The following HIVEP3 variants were observed in gnomAD, a reference collection of about 807,000 sequenced individuals.
HIVEP3 encodes transcription factor HIVEP3.
In HIVEP3, 49 loss-of-function variants were observed where a neutral mutation model predicts 152.8. That is an observed-to-expected ratio of 0.32 (90% confidence interval 0.26 to 0.41). HIVEP3 has a LOEUF of 0.41. Ranked by LOEUF, HIVEP3 falls within the 10% of genes least tolerant of loss-of-function variation. The pLI, the probability that HIVEP3 is intolerant of heterozygous loss-of-function variation, is 1.00. For missense variants in HIVEP3, 2,790 were observed against 3,103.3 expected (o/e 0.90, Z 2.40); for synonymous variants, 1,269 against 1,289.0 (o/e 0.98, Z 0.33).
intron 2 of HIVEP3, among the ~76,000 whole-genome samples, chr1:41,651,856 G>T (rs1473414375): frequency 2.0e-5 from 3 of 152,104 alleles, no homozygotes; most frequent in African/African-American, 7.2e-5. Flanking sequence ...AGTGGCTAGA[G>T]CATTAGTCAT....
At chr1:41,933,920 A>G (rs1207290173) in intron 1 of HIVEP3, among the ~76,000 whole-genome samples, 2 of 151,992 alleles carry the variant, frequency 1.3e-5, no homozygotes, top group East Asian at 3.9e-4. Context: ...ATGTATATCC[A>G]TCCTTTCCCT....
intron 5 of HIVEP3, among the ~76,000 whole-genome samples, chr1:41,550,592 T>A (rs1643883998): frequency 2.0e-5 from 3 of 152,212 alleles, no homozygotes; most frequent in Non-Finnish European, 4.4e-5. Flanking sequence ...GTCCTTCACA[T>A]CCCTTGTAGG....
chr1:42,006,621 A>AAACACTAAAT (rs1645461073), intron 1 of HIVEP3, among the ~76,000 whole-genome samples: 1 of 149,916 alleles, frequency 6.7e-6, no homozygotes, highest in Non-Finnish European at 1.5e-5. Context: ...CACTTTAGTG[A>AAACACTAAAT]GTCTCTTTAA....
chr1:41,642,834 C>G (rs956353309), intron 2 of HIVEP3, among the ~76,000 whole-genome samples: 2 of 152,110 alleles, frequency 1.3e-5, no homozygotes, highest in Admixed American at 6.5e-5. Context: ...TTGAGGGACC[C>G]GGCAGACTGG....
At chr1:41,649,958 A>G (rs1272640578) in intron 2 of HIVEP3, among the ~76,000 whole-genome samples, 2 of 152,114 alleles carry the variant, frequency 1.3e-5, no homozygotes, top group Admixed American at 6.5e-5. Context: ...TCATGGGGGA[A>G]GGGAGTCAGG....
chr1:41,963,054 CAGG>C (rs771195004), intron 1 of HIVEP3, among the ~76,000 whole-genome samples: 8 of 152,204 alleles, frequency 5.3e-5, no homozygotes, highest in South Asian at 2.1e-4. Flanking sequence ...CTCTGTCACC[CAGG>C]CTGGAGTGCA....
At chr1:41,599,775 T>A (rs1161588377) in intron 3 of HIVEP3, among the ~76,000 whole-genome samples, 1 of 151,908 alleles carries the variant, frequency 6.6e-6, no homozygotes, top group Non-Finnish European at 1.5e-5. Flanking sequence ...AAGGACAACA[T>A]CAACAGAGTA....
At chr1:41,790,096 T>C (rs400187) in intron 1 of HIVEP3, among the ~76,000 whole-genome samples, 92,391 of 152,052 alleles carry the variant, frequency 0.61, 29,240 homozygotes, top group African/African-American at 0.8. Context: ...CTGCCACTTC[T>C]TAACTGCGTG....
At chr1:41,879,992 A>G (rs1002142698) in intron 1 of HIVEP3, among the ~76,000 whole-genome samples, 2 of 152,188 alleles carry the variant, frequency 1.3e-5, no homozygotes, top group Admixed American at 1.3e-4. Context: ...AGATATTATT[A>G]GTGTGCCCAT....
intron 3 of HIVEP3, among the ~76,000 whole-genome samples, chr1:41,624,361 A>G (rs753574721): frequency 6.6e-6 from 1 of 152,242 alleles, no homozygotes; most frequent in Non-Finnish European, 1.5e-5. Flanking sequence ...TTCTAACAGA[A>G]AACGAGCACG....
chr1:41,862,062 G>T (rs911271172), intron 1 of HIVEP3, among the ~76,000 whole-genome samples: 24 of 152,074 alleles, frequency 1.6e-4, no homozygotes, highest in Non-Finnish European at 2.9e-4. Context: ...AGGTGGAGGT[G>T]GCATCGTCAG....
intron 1 of HIVEP3, among the ~76,000 whole-genome samples, chr1:41,706,196 A>G (rs1646430895): frequency 6.6e-6 from 1 of 152,210 alleles, no homozygotes; most frequent in South Asian, 2.1e-4. Flanking sequence ...GTAGTTTTTC[A>G]ACCCTTACCC....
intron 1 of HIVEP3, among the ~76,000 whole-genome samples, chr1:42,033,397 C>G (rs550097316): frequency 6.6e-6 from 1 of 152,292 alleles, no homozygotes; most frequent in East Asian, 1.9e-4. Flanking sequence ...AACATGAAGT[C>G]CTCAACCACT....
At chr1:42,010,116 A>C (rs951578789) in intron 1 of HIVEP3, among the ~76,000 whole-genome samples, 1 of 152,124 alleles carries the variant, frequency 6.6e-6, no homozygotes, top group Non-Finnish European at 1.5e-5. Flanking sequence ...GCTGGTCTCA[A>C]ACTCCTGGCC....
At chr1:41,773,755 GT>G (rs1648522718) in intron 1 of HIVEP3, among the ~76,000 whole-genome samples, 1 of 152,242 alleles carries the variant, frequency 6.6e-6, no homozygotes, top group African/African-American at 2.4e-5. Flanking sequence ...GTGATGCTGA[GT>G]TGAGCTAGGC....
chr1:41,768,831 C>T (rs1175994418), intron 1 of HIVEP3, among the ~76,000 whole-genome samples: 2 of 152,222 alleles, frequency 1.3e-5, no homozygotes, highest in African/African-American at 4.8e-5. Flanking sequence ...TAAAACCCGC[C>T]CTGTTGGCTT....
intron 1 of HIVEP3, among the ~76,000 whole-genome samples, chr1:41,784,272 T>C (rs1649218965): frequency 6.6e-6 from 1 of 152,258 alleles, no homozygotes. Context: ...TTTTAACATG[T>C]AGTATGAAAA....
intron 1 of HIVEP3, among the ~76,000 whole-genome samples, chr1:41,858,395 A>G (rs1004507374): frequency 6.6e-6 from 1 of 152,234 alleles, no homozygotes; most frequent in African/African-American, 2.4e-5. Flanking sequence ...CAAAAATGGG[A>G]AAAAGGATGA....
chr1:41,795,308 G>T (rs1649920846), intron 1 of HIVEP3, among the ~76,000 whole-genome samples: 1 of 152,082 alleles, frequency 6.6e-6, no homozygotes, highest in Non-Finnish European at 1.5e-5. Flanking sequence ...ATTTGGATTT[G>T]TCTTATGTTT....
Sources: gnomAD v4.1 joint callset for allele counts (sites outside exome capture counted in the v4.1 genomes callset) on GRCh38, gnomAD v4.1.1 for gene constraint, MANE v1.5 for transcripts, NCBI Gene and HGNC (gene_info 2026-07-23, HGNC 2026-07-21) for gene names.